Variants in PCTP observed in about 807,000 individuals in gnomAD.
PCTP encodes START domain-containing protein 2.
PCTP carries 27 observed loss-of-function variants against 31.0 expected under a neutral mutation model. The ratio of observed to expected loss-of-function variants is 0.87; its 90% confidence interval spans 0.64 to 1.20. PCTP has a LOEUF of 1.20. Ranked by LOEUF, PCTP falls within the 50% of genes most tolerant of loss-of-function variation. The probability of loss-of-function intolerance (pLI) is 0.00; values close to 1 mark genes in which losing one functional copy is unlikely to be tolerated. For missense variants in PCTP, 287 were observed against 268.2 expected (o/e 1.07, Z -0.49); for synonymous variants, 108 against 101.2 (o/e 1.07, Z -0.40).
chr17:55,776,564 C>T lies in PCTP; in HGVS notation c.*464C>T, dbSNP rs1464629162. The T allele has an allele frequency of 2.4e-6, 3 of 1,231,680 alleles. No individual in the cohort carries two copies. The East Asian group carries it at 9.5e-5, about 39-fold the overall frequency. The allele number at this position is 1,231,680 out of a possible 1,614,324, so 76.3% of individuals were successfully genotyped here. ...ATTTCTTCCAGCTTGGGAGGGGCTG[C>T]TGGAAGTGGCATTTCGTTCAGAGCT... On this transcript the variant is annotated 3_prime_UTR_variant, in exon 6 of 6. Transcript: ENST00000268896.
chr17:55,821,410 G>A (rs9898504), intron 3 of PCTP, among the ~76,000 whole-genome samples: 7,237 of 152,200 alleles, frequency 0.048, 548 homozygotes, highest in African/African-American at 0.16. Context: ...AGCTTCTTTT[G>A]GGGGTGATAA....
chr17:55,807,292 A>G (rs527573612), intron 3 of PCTP, among the ~76,000 whole-genome samples: 1 of 152,322 alleles, frequency 6.6e-6, no homozygotes, highest in South Asian at 2.1e-4. Flanking sequence ...AGTTCTCAGA[A>G]GTGTTTATAA....
At chr17:55,828,948 C>G (rs28439965) in intron 5 of PCTP, among the ~76,000 whole-genome samples, 4 of 152,012 alleles carry the variant, frequency 2.6e-5, no homozygotes, top group African/African-American at 7.2e-5. Context: ...TCTTCCCAGT[C>G]CCCCCTACAT....
rs34971113 is a variant in PCTP, at chr17:55,770,714, CT to C, written c.260-377del. 914 of 143,036 alleles carry C rather than the reference CT, an allele frequency of 6.4e-3. 3 individuals are homozygous for C. The highest frequency in any genetic ancestry group is 8.9e-3 in the Non-Finnish European group (586 of 66,090). The allele number at this position is 143,036 out of a possible 1,614,324, so 8.9% of individuals were successfully genotyped here. On this transcript the variant is annotated intron_variant, in intron 2 of 5. Coordinates refer to ENST00000268896, the MANE Select transcript of PCTP (RefSeq NM_021213.4). ...GGTTTATCATAACCTAAGAGGTCAT[CT>C]TTTTTTTTTTTTTTCTTGAGACATG... is the stretch of plus-strand genomic sequence containing the variant.
At chr17:55,774,248 T>C (rs557592795) in intron 4 of PCTP, among the ~76,000 whole-genome samples, 1 of 152,136 alleles carries the variant, frequency 6.6e-6, no homozygotes, top group Non-Finnish European at 1.5e-5. Context: ...AGCTGGCAGG[T>C]TTGTCTTGGA....
At chr17:55,774,717 A>G in intron 4 of PCTP, 75 bp from the exon 5 acceptor site, 1 of 1,217,036 alleles carries the variant, frequency 8.2e-7, no homozygotes, top group Admixed American at 1.7e-5. Flanking sequence ...GAAGATATAA[A>G]GTTTGCACAG....
At chr17:55,812,239 A>C (rs1912775858) in intron 3 of PCTP, among the ~76,000 whole-genome samples, 1 of 152,202 alleles carries the variant, frequency 6.6e-6, no homozygotes, top group African/African-American at 2.4e-5. Flanking sequence ...AATAATTACA[A>C]ACATCACTAC....
rs187188305 is a variant in PCTP at position 55,803,494 on chromosome 17, C to G, written c.317+15840C>G. ...ACTACAGTAACCAAAACAGCATGGTCCTGGTACCAAAACAGATATTTAGAC... is the reference window on the plus strand; with the variant it reads ...ACTACAGTAACCAAAACAGCATGGTGCTGGTACCAAAACAGATATTTAGAC... On this transcript the variant is annotated intron_variant, in intron 3 of 3. Coordinates refer to the PCTP transcript ENST00000572536. 1.1e-3 allele frequency among the ~76,000 whole-genome samples: 173 copies of G among 152,118 alleles called. 1 individual carries two copies. The highest frequency in any genetic ancestry group is 4.0e-3 in the African/African-American group (165 of 41,524).
At chr17:55,765,849 A>G (rs1073419) in intron 1 of PCTP, among the ~76,000 whole-genome samples, 95,536 of 152,006 alleles carry the variant, frequency 0.63, 35,754 homozygotes, top group East Asian at 0.87. Context: ...TCTCTCTTTT[A>G]TCCAGAGTTC....
At chr17:55,846,618 A>G (rs1906156616), downstream of PCTP, among the ~76,000 whole-genome samples, 2 of 152,230 alleles carry the variant, frequency 1.3e-5, no homozygotes, top group African/African-American at 2.4e-5. Context: ...AATTACTGCC[A>G]TAGAATGGCT....
intron 3 of PCTP, among the ~76,000 whole-genome samples, chr17:55,819,032 A>C (rs1331333979): frequency 6.9e-5 from 10 of 145,360 alleles, no homozygotes; most frequent in African/African-American, 2.6e-4. Context: ...AAAAAAAAAA[A>C]AAAAAGAAAA....
chr17:55,849,438 C>T, the PCTP span, among the ~76,000 whole-genome samples: 1 of 152,126 alleles, frequency 6.6e-6, no homozygotes, highest in Non-Finnish European at 1.5e-5. Context: ...GTCTGGCCAA[C>T]ATGGTGAAAC....
intron 3 of PCTP, among the ~76,000 whole-genome samples, chr17:55,788,658 G>A (rs1911840376): frequency 6.6e-6 from 1 of 152,078 alleles, no homozygotes; most frequent in Admixed American, 6.5e-5. Flanking sequence ...TGCCAATCTC[G>A]ATAAAGCAAA....
chr17:55,811,264 C>T (rs9910840), intron 3 of PCTP, among the ~76,000 whole-genome samples: 18 of 152,104 alleles, frequency 1.2e-4, no homozygotes, highest in Non-Finnish European at 2.5e-4. Context: ...TGATGCCTTT[C>T]GAAAATCCTA....
chr17:55,823,798 G>C (rs193172091), downstream of PCTP, among the ~76,000 whole-genome samples: 454 of 152,314 alleles, frequency 3.0e-3, 1 homozygote, highest in African/African-American at 0.011. Flanking sequence ...CCCCAGCCTG[G>C]CTTTCACTGC....
chr17:55,770,930 ACCATATTTC>A (rs1910957207), intron 2 of PCTP, 167 bp from the exon 3 acceptor site: 1 of 516,758 alleles, frequency 1.9e-6, no homozygotes, highest in African/African-American at 2.0e-5. Context: ...ATGGGGTTTC[ACCATATTTC>A]CCAGGCTGGT....
Position 55,787,795 on chromosome 17 carries a change from G to A in PCTP, c.317+141G>A, listed in dbSNP as rs191856897. 9.2e-5 allele frequency: 14 copies of A among 152,262 alleles called. 1 individual carries two copies. The East Asian group carries it at 2.7e-3, about 29-fold the overall frequency. The allele number at this position is 152,262 out of a possible 1,614,324, so 9.4% of individuals were successfully genotyped here. On this transcript the variant is annotated intron_variant, in intron 3 of 3. Coordinates refer to the PCTP transcript ENST00000572536. ...AAAGATAATTACCACATTCTCCATT[G>A]TTGTTTCCTCCTCAGTCTAAACATC...
exon 4 of PCTP, chr17:55,822,968 A>G: frequency 2.1e-6 from 1 of 480,162 alleles, no homozygotes. Flanking sequence ...ATAAGCCCTG[A>G]ATTAATTCAT....
downstream of PCTP, among the ~76,000 whole-genome samples, chr17:55,779,114 A>G (rs1012324208): frequency 6.6e-6 from 1 of 152,232 alleles, no homozygotes; most frequent in African/African-American, 2.4e-5. Flanking sequence ...TCAGAGAATT[A>G]TCTTTAAATG....
Sources: allele counts gnomAD v4.1 joint callset (sites outside exome capture counted in the v4.1 genomes callset), GRCh38; gene constraint gnomAD v4.1.1; transcripts MANE v1.5; gene names NCBI Gene and HGNC (gene_info 2026-07-23, HGNC 2026-07-21).